ZNF85: variants seen among roughly 807,000 people sequenced by gnomAD.
ZNF85 encodes the protein zinc finger protein 85 (HPF4, HTF1).
Under a neutral mutation model 53.9 loss-of-function variants are expected in ZNF85, and 50 were observed. The ratio of observed to expected loss-of-function variants is 0.93; its 90% confidence interval spans 0.74 to 1.17. The LOEUF is 1.17. Among genes scored for constraint, ZNF85 ranks in the 50% most tolerant of loss-of-function variants. The pLI is 0.00. For missense variants in ZNF85, 747 were observed against 688.5 expected (o/e 1.08, Z -0.95); for synonymous variants, 225 against 226.1 (o/e 1.00, Z 0.04).
intron 3 of ZNF85, chr19:20,945,402 A>T (rs1179613410): frequency 6.6e-6 from 1 of 152,180 alleles, no homozygotes; most frequent in Non-Finnish European, 1.5e-5. Flanking sequence ...TTTATTTGGC[A>T]TAATGTCATC....
At chr19:20,927,007 T>C (rs1304824255) in intron 1 of ZNF85, 3 of 151,940 alleles carry the variant, frequency 2.0e-5, no homozygotes, top group East Asian at 3.9e-4. Flanking sequence ...AAATGGAGTG[T>C]GAAAAAAATC....
intron 1 of ZNF85, among the ~76,000 whole-genome samples, chr19:20,932,544 T>C (rs946704964): frequency 3.9e-5 from 6 of 152,184 alleles, no homozygotes; most frequent in African/African-American, 9.7e-5. Flanking sequence ...AAGATTTCTA[T>C]TGGGGGAAAG....
At chr19:20,932,368 C>CA (rs1245864954) in intron 1 of ZNF85, among the ~76,000 whole-genome samples, 1 of 152,048 alleles carries the variant, frequency 6.6e-6, no homozygotes, top group Non-Finnish European at 1.5e-5. Flanking sequence ...TTATGATAGT[C>CA]AAGGGTGTCT....
chr19:20,930,919 T>A (rs1298745602), intron 1 of ZNF85, among the ~76,000 whole-genome samples: 2 of 152,184 alleles, frequency 1.3e-5, no homozygotes, highest in Non-Finnish European at 2.9e-5. Flanking sequence ...ATTACAGACA[T>A]GCACCACCAC....
At chr19:20,923,585 C>T (rs1157765511) in intron 1 of ZNF85, among the ~76,000 whole-genome samples, 182 bp downstream of exon 1, 2 of 152,154 alleles carry the variant, frequency 1.3e-5, no homozygotes, top group African/African-American at 4.8e-5. Flanking sequence ...ACAGCCGGCC[C>T]GGGCGTCCTG....
intron 3 of ZNF85, among the ~76,000 whole-genome samples, chr19:20,938,862 G>A (rs369725465): frequency 0.1 from 15,357 of 147,740 alleles, 857 homozygotes; most frequent in Non-Finnish European, 0.13. Flanking sequence ...GTGTGTGTGT[G>A]TGTGTGTGTG....
chr19:20,937,924 G>A (rs767912004), intron 3 of ZNF85, among the ~76,000 whole-genome samples: 127 of 152,342 alleles, frequency 8.3e-4, no homozygotes, highest in Non-Finnish European at 1.4e-3. Flanking sequence ...CAGAGTTTCT[G>A]TAGATTGCCA....
intron 1 of ZNF85, among the ~76,000 whole-genome samples, chr19:20,925,049 G>A (rs1972847035): frequency 6.6e-6 from 1 of 152,122 alleles, no homozygotes; most frequent in Non-Finnish European, 1.5e-5. Context: ...TTCTCTCATA[G>A]GACAACCTGA....
At chr19:20,932,238 A>T (rs1973040403) in intron 1 of ZNF85, among the ~76,000 whole-genome samples, 1 of 152,218 alleles carries the variant, frequency 6.6e-6, no homozygotes, top group African/African-American at 2.4e-5. Context: ...TTCTTTTTTT[A>T]AAGCAAAACA....
chr19:20,935,099 G>T (rs757991053), intron 3 of ZNF85, 52 bp downstream of exon 3: 50 of 1,265,112 alleles, frequency 4.0e-5, no homozygotes, highest in Admixed American at 6.2e-5. Flanking sequence ...AGGTCCAAAG[G>T]CCAAAGAGAA....
At position 20,934,083 on chromosome 19, in the gene ZNF85, G is replaced by A. The variant is rs1351813502; in HGVS notation, c.63G>A (p.Leu21=). The A allele has an allele frequency of 6.2e-7, 1 of 1,612,024 alleles. No homozygotes were observed. Among genetic ancestry groups the A allele is most frequent in the African/African-American group, 1.3e-5 (1 of 74,816 alleles). The change falls in exon 2 of 4, where the codon CTG becomes CTA. Residue 21 remains leucine (L), a synonymous_variant. Coordinates refer to ENST00000328178, the MANE Select transcript of ZNF85 (RefSeq NM_003429.5). ...TCTCTCTGAAGGAGTGGCAATGCCTGGACACTGCACAGCGGAATTTATATA... is the reference window on the plus strand; with the variant it reads ...TCTCTCTGAAGGAGTGGCAATGCCTAGACACTGCACAGCGGAATTTATATA... ...IEFSLKEWQC[L]DTAQRNLYRN...
At chr19:20,946,485 A>G (rs1053993427) in intron 3 of ZNF85, 88 of 274,192 alleles carry the variant, frequency 3.2e-4, no homozygotes, top group African/African-American at 1.9e-3. Context: ...TCCTACTATA[A>G]AAATTATATT....
In ZNF85 at chr19:20,949,054, C is replaced by G. The variant is rs777440748; in HGVS notation, c.540C>G (p.Gly180=). 7 of 1,613,802 alleles carry G rather than the reference C, an allele frequency of 4.3e-6. No individual in the cohort carries two copies. The highest frequency in any genetic ancestry group is 5.9e-6 in the Non-Finnish European group (7 of 1,179,820). ...AACCTTTCAAATGTACAAAATGTGG[C>G]AAATCATTTGGCATGATTTCATGCC... The part of the protein sequence containing the change: ...KKKPFKCTKC[G]KSFGMISCLT... Residue 180 remains glycine, a synonymous_variant, in exon 4 of 4, where the codon GGC becomes GGG. Transcript: ENST00000328178.
At chr19:20,938,375 C>G (rs62124029) in intron 3 of ZNF85, among the ~76,000 whole-genome samples, 18,369 of 152,136 alleles carry the variant, frequency 0.12, 1,283 homozygotes, top group Middle Eastern at 0.17. Flanking sequence ...CTAGGATGCT[C>G]TTGAAATCCT....
At chr19:20,946,321 C>CGTATGAGCTATT (rs1369987012) in intron 3 of ZNF85, 1 of 424,682 alleles carries the variant, frequency 2.4e-6, no homozygotes, top group Non-Finnish European at 4.7e-6. Flanking sequence ...AAAAGAATGT[C>CGTATGAGCTATT]GTATGAGCTA....
At chr19:20,933,753 A>C (rs1422405542) in intron 1 of ZNF85, among the ~76,000 whole-genome samples, 1 of 152,198 alleles carries the variant, frequency 6.6e-6, no homozygotes, top group African/African-American at 2.4e-5. Flanking sequence ...CATCCAGAAA[A>C]GTATCATGTA....
chr19:20,931,562 G>A (rs1973018511), intron 1 of ZNF85, among the ~76,000 whole-genome samples: 1 of 148,710 alleles, frequency 6.7e-6, no homozygotes, highest in African/African-American at 2.5e-5. Flanking sequence ...GACTGTTTCT[G>A]TTTGGATTTG....
chr19:20,923,529 C>T (rs981356120), intron 1 of ZNF85, 126 bp downstream of exon 1: 90 of 1,498,810 alleles, frequency 6.0e-5, no homozygotes, highest in Non-Finnish European at 6.8e-5. Context: ...TTCTTTTTGC[C>T]CAGCTCGGCC....
At chr19:20,945,153 A>G (rs1007142567) in intron 3 of ZNF85, among the ~76,000 whole-genome samples, 2 of 152,170 alleles carry the variant, frequency 1.3e-5, no homozygotes, top group African/African-American at 4.8e-5. Flanking sequence ...CAAAAACATA[A>G]AATTTATAAT....
Sources: gnomAD v4.1 joint callset for allele counts (sites outside exome capture counted in the v4.1 genomes callset) on GRCh38, gnomAD v4.1.1 for gene constraint, MANE v1.5 for transcripts, NCBI Gene and HGNC (gene_info 2026-07-23, HGNC 2026-07-21) for gene names.